The following WDFY4 variants were observed in gnomAD, a reference collection of about 807,000 sequenced individuals.
WDFY4 encodes WDFY family member 4, also known as WD repeat- and FYVE domain-containing protein 4.
Under a neutral mutation model 351.9 loss-of-function variants are expected in WDFY4, and 169 were observed. That is an observed-to-expected ratio of 0.48 (90% CI 0.42 to 0.55). The LOEUF is 0.55. WDFY4 is among the 20% of genes least tolerant of loss of function. The pLI, the probability that WDFY4 is intolerant of heterozygous loss-of-function variation, is 0.00. For missense variants in WDFY4, 3,803 were observed against 3,935.6 expected, an observed-to-expected ratio of 0.97 and a Z score of 0.90; for synonymous variants, 1,622 against 1,574.6, an observed-to-expected ratio of 1.03 and a Z score of -0.71.
chr10:48,828,179 C>G (rs2133044135), intron 36 of WDFY4, among the ~76,000 whole-genome samples: 1 of 152,288 alleles, frequency 6.6e-6, no homozygotes, highest in East Asian at 1.9e-4. Context: ...CAATGGGGAC[C>G]CCCAGAGCAC....
At chr10:48,761,764 A>C (rs2065513964) in intron 13 of WDFY4, among the ~76,000 whole-genome samples, 1 of 152,236 alleles carries the variant, frequency 6.6e-6, no homozygotes, top group Non-Finnish European at 1.5e-5. Flanking sequence ...TGGGAAATGC[A>C]CCAGTTTAGG....
At chr10:48,895,764 C>T (rs1837046861) in intron 44 of WDFY4, among the ~76,000 whole-genome samples, 1 of 152,220 alleles carries the variant, frequency 6.6e-6, no homozygotes, top group Non-Finnish European at 1.5e-5. Context: ...CTCCTCTCTT[C>T]TGCTTCTCTG....
At chr10:48,866,863 G>A (rs1023501933) in intron 39 of WDFY4, among the ~76,000 whole-genome samples, 1 of 152,082 alleles carries the variant, frequency 6.6e-6, no homozygotes, top group Non-Finnish European at 1.5e-5. Context: ...TCTGTCAATT[G>A]GTCAGTATAG....
chr10:48,767,695 A>T (rs890075774), intron 13 of WDFY4, among the ~76,000 whole-genome samples: 3 of 152,206 alleles, frequency 2.0e-5, no homozygotes, highest in Non-Finnish European at 4.4e-5. Context: ...CAGCAGAGAC[A>T]ATGAGGCCTG....
At chr10:48,933,013 G>A (rs189061979) in intron 47 of WDFY4, among the ~76,000 whole-genome samples, 5 of 152,110 alleles carry the variant, frequency 3.3e-5, no homozygotes, top group African/African-American at 4.8e-5. Flanking sequence ...TAAGGATAAC[G>A]CTGGCCGTGG....
intron 26 of WDFY4, 90 bp downstream of exon 26, chr10:48,805,511 C>A: frequency 6.9e-7 from 1 of 1,455,764 alleles, no homozygotes; most frequent in South Asian, 1.4e-5. Flanking sequence ...CCATTGTGCT[C>A]AACCCTGAAT....
At chr10:48,792,593 T>C (rs1303591642) in intron 23 of WDFY4, among the ~76,000 whole-genome samples, 1 of 152,208 alleles carries the variant, frequency 6.6e-6, no homozygotes, top group Non-Finnish European at 1.5e-5. Context: ...AGCACAAGGA[T>C]ATCTGCTGTG....
At chr10:48,699,729 C>A (rs2063428286) in intron 1 of WDFY4, among the ~76,000 whole-genome samples, 1 of 152,236 alleles carries the variant, frequency 6.6e-6, no homozygotes. Flanking sequence ...GACACTTTAG[C>A]CTCTCACACT....
chr10:48,892,765 C>T (rs1836879012), intron 44 of WDFY4, among the ~76,000 whole-genome samples: 1 of 152,194 alleles, frequency 6.6e-6, no homozygotes, highest in African/African-American at 2.4e-5. Flanking sequence ...AGAGCCTGTC[C>T]GATGTACCAT....
At chr10:48,973,039 G>A (rs867141309) in intron 57 of WDFY4, among the ~76,000 whole-genome samples, 7 of 152,144 alleles carry the variant, frequency 4.6e-5, no homozygotes, top group Non-Finnish European at 7.3e-5. Context: ...CAGGCTGGTC[G>A]GAAGGCAGCC....
Position 48,938,947 on chromosome 10 carries a change from G to A in WDFY4, c.7587-2859G>A, listed in dbSNP as rs184153616. On this transcript the variant is annotated intron_variant, in intron 47 of 61. Transcript: ENST00000325239. ...GTGCTAGGCCCAATAAGGCCAGGCC[G>A]GGTAACCGCCACAATCCTCACTGGC... Among the ~76,000 whole-genome samples the A allele has an allele frequency of 3.8e-4, 58 of 152,290 alleles. 2 individuals are homozygous for A. The East Asian group carries it at 8.3e-3, about 22-fold the overall frequency.
chr10:48,773,983 C>T (rs2065947810), intron 13 of WDFY4, among the ~76,000 whole-genome samples: 1 of 152,208 alleles, frequency 6.6e-6, no homozygotes, highest in South Asian at 2.1e-4. Flanking sequence ...ACAGCTCCCA[C>T]CCAGCACCAG....
Position 48,890,744 on chromosome 10 carries a change from T to C in WDFY4, c.7316+17T>C. 2 of 1,551,424 alleles carry C rather than the reference T, an allele frequency of 1.3e-6. No individual in the cohort carries two copies. Among genetic ancestry groups the C allele is most frequent in the Non-Finnish European group, 8.7e-7 (1 of 1,146,756 alleles). On this transcript the variant is annotated intron_variant, in intron 44 of 61. Transcript: ENST00000325239. ...CTTATCCAAGTGAGTTATCCACTTCTCCCAGCAGATTCTTCCCTGAGCCCC... is the reference window on the plus strand; with the variant it reads ...CTTATCCAAGTGAGTTATCCACTTCCCCCAGCAGATTCTTCCCTGAGCCCC...
At chr10:48,940,785 C>G (rs1840711778) in intron 47 of WDFY4, among the ~76,000 whole-genome samples, 1 of 152,080 alleles carries the variant, frequency 6.6e-6, no homozygotes, top group Admixed American at 6.5e-5. Context: ...AGGAGCTGGG[C>G]TCTGTAATCT....
At chr10:48,830,924 G>T in intron 38 of WDFY4, 39 bp downstream of exon 38, 2 of 1,532,816 alleles carry the variant, frequency 1.3e-6, no homozygotes, top group South Asian at 2.5e-5. Flanking sequence ...GGAACTCCTG[G>T]GTCTCACAGA....
intron 33 of WDFY4, 95 bp from the exon 34 acceptor site, chr10:48,820,967 G>T (rs916731295): frequency 9.6e-6 from 8 of 829,820 alleles, no homozygotes; most frequent in Admixed American, 6.2e-5. Context: ...TGGCAGATGC[G>T]GCATAAGTGT....
chr10:48,965,836 G>T (rs1842054855), intron 54 of WDFY4, among the ~76,000 whole-genome samples: 1 of 152,110 alleles, frequency 6.6e-6, no homozygotes, highest in Admixed American at 6.5e-5. Flanking sequence ...ATACCAGTTA[G>T]ATATAGATTA....
At chr10:48,745,929 G>A (rs546972076) in intron 12 of WDFY4, 49 of 232,590 alleles carry the variant, frequency 2.1e-4, no homozygotes, top group Non-Finnish European at 3.5e-4. Context: ...AAATAACAGG[G>A]GCCTCATCAG....
rs748995538 is a variant in WDFY4 at position 48,822,508 on chromosome 10, C to T, written c.5953C>T (p.Leu1985Phe). The change falls in exon 35 of 62, where the codon CTC becomes TTC. Residue 1985 changes from leucine to phenylalanine, a missense_variant. Around this residue, in one of 3 missense-constraint regions of WDFY4, gnomAD observed 3,054 missense variants for 3,148.6 expected, o/e 0.97. Transcript: ENST00000325239. ...GMFSADPRHI[L>F]LFILEHIMVV... ...GTTCTCGGCAGACCCCAGGCATATC[C>T]TCCTCTTCATCCTGGAGCACATCAT... The T allele has an allele frequency of 2.6e-6, 4 of 1,548,140 alleles. No homozygotes were observed. Among genetic ancestry groups the T allele is most frequent in the Non-Finnish European group, 3.5e-6 (4 of 1,144,872 alleles).
Sources: allele counts gnomAD v4.1 joint callset (sites outside exome capture counted in the v4.1 genomes callset), GRCh38; gene constraint gnomAD v4.1.1; regional missense constraint gnomAD v4.1.1; transcripts MANE v1.5; gene names NCBI Gene and HGNC (gene_info 2026-07-23, HGNC 2026-07-21).